Variants in MEIS2 observed in about 807,000 individuals in gnomAD.
MEIS2 encodes the protein homeobox protein Meis2.
In MEIS2, 9 loss-of-function variants were observed where a neutral mutation model predicts 58.6. The ratio of observed to expected loss-of-function variants is 0.15; its 90% CI spans 0.09 to 0.27. The LOEUF is 0.27. Ranked by LOEUF, MEIS2 falls within the 10% of genes least tolerant of loss-of-function variation. MEIS2 has a pLI of 1.00. For missense variants in MEIS2, 427 were observed against 635.0 expected (o/e 0.67, Z 3.52); for synonymous variants, 221 against 228.4 (o/e 0.97, Z 0.29).
At chr15:37,030,680 T>A (rs1450762283) in intron 8 of MEIS2, among the ~76,000 whole-genome samples, 2 of 151,576 alleles carry the variant, frequency 1.3e-5, no homozygotes, top group Non-Finnish European at 2.9e-5. Flanking sequence ...TGAGACAGGG[T>A]CTCACTTTGT....
At chr15:37,060,800 A>G (rs1889106136) in intron 7 of MEIS2, among the ~76,000 whole-genome samples, 1 of 152,160 alleles carries the variant, frequency 6.6e-6, no homozygotes, top group Admixed American at 6.5e-5. Context: ...ATTCGGTACA[A>G]TTCTAACAAT....
chr15:36,958,313 A>G (rs1469887817), intron 8 of MEIS2, among the ~76,000 whole-genome samples: 2 of 152,196 alleles, frequency 1.3e-5, no homozygotes, highest in African/African-American at 4.8e-5. Context: ...AGATTTTAAG[A>G]ACAGTTATTA....
At chr15:37,019,980 G>A (rs769942124) in intron 8 of MEIS2, among the ~76,000 whole-genome samples, 5 of 152,058 alleles carry the variant, frequency 3.3e-5, no homozygotes, top group South Asian at 2.1e-4. Context: ...CCCCAGATCC[G>A]GGGAGCTCGA....
intron 8 of MEIS2, among the ~76,000 whole-genome samples, chr15:36,993,373 T>A (rs1185973639): frequency 6.6e-6 from 1 of 152,194 alleles, no homozygotes; most frequent in Non-Finnish European, 1.5e-5. Flanking sequence ...ATCATATCAT[T>A]TCTTATAATT....
intron 6 of MEIS2, among the ~76,000 whole-genome samples, chr15:37,085,165 A>C (rs767666923): frequency 2.0e-5 from 3 of 152,230 alleles, no homozygotes; most frequent in Non-Finnish European, 4.4e-5. Flanking sequence ...CACTAAAAAA[A>C]CCAATCAAAA....
chr15:36,992,926 G>A (rs1487056362), intron 8 of MEIS2, among the ~76,000 whole-genome samples: 1 of 152,026 alleles, frequency 6.6e-6, no homozygotes, highest in Non-Finnish European at 1.5e-5. Flanking sequence ...AAACATAAAC[G>A]AATCCCAAAT....
intron 3 of MEIS2, chr15:37,095,966 G>T: frequency 2.2e-6 from 1 of 450,686 alleles, no homozygotes; most frequent in South Asian, 3.0e-5. Context: ...GGCACTCCCG[G>T]GTCCCTCACA....
chr15:36,949,959 G>A (rs1025399108), intron 9 of MEIS2, among the ~76,000 whole-genome samples: 2 of 151,914 alleles, frequency 1.3e-5, no homozygotes, highest in Non-Finnish European at 2.9e-5. Context: ...CTCCGTATGA[G>A]GACTGTGCAA....
At chr15:37,020,105 A>G (rs1468496491) in intron 8 of MEIS2, among the ~76,000 whole-genome samples, 6 of 152,126 alleles carry the variant, frequency 3.9e-5, no homozygotes, top group African/African-American at 1.4e-4. Flanking sequence ...TGCAGCAAAG[A>G]GCCAACAAGC....
At chr15:37,007,304 G>A (rs1257856640) in intron 8 of MEIS2, among the ~76,000 whole-genome samples, 4 of 152,102 alleles carry the variant, frequency 2.6e-5, no homozygotes, top group Non-Finnish European at 5.9e-5. Context: ...GGAGGTGGGA[G>A]GATCAATGGA....
At chr15:37,028,050 C>T (rs1445374007) in intron 8 of MEIS2, among the ~76,000 whole-genome samples, 1 of 152,150 alleles carries the variant, frequency 6.6e-6, no homozygotes, top group Non-Finnish European at 1.5e-5. Flanking sequence ...TAGTATCATC[C>T]AGAGCAGTTT....
chr15:36,973,580 A>G (rs925120606), intron 8 of MEIS2, among the ~76,000 whole-genome samples: 2 of 152,218 alleles, frequency 1.3e-5, no homozygotes, highest in African/African-American at 4.8e-5. Flanking sequence ...AATAAACCCA[A>G]AGCGTTCATC....
At chr15:36,916,118 T>C (rs2057265807) in intron 9 of MEIS2, among the ~76,000 whole-genome samples, 2 of 152,092 alleles carry the variant, frequency 1.3e-5, no homozygotes, top group Admixed American at 1.3e-4. Context: ...CTTCTTCTTT[T>C]TTTTTTGTGG....
At chr15:37,097,041 G>T (rs1894347818) in intron 2 of MEIS2, among the ~76,000 whole-genome samples, 2 of 152,280 alleles carry the variant, frequency 1.3e-5, no homozygotes, top group South Asian at 2.1e-4. Flanking sequence ...TAATAGGAAG[G>T]TTACACACTG....
chr15:37,096,444 CCACGCAGAGA>C lies in MEIS2; in HGVS notation c.246-24_246-15del, dbSNP rs748056623. On this transcript the variant is annotated splice_polypyrimidine_tract_variant and intron_variant, in intron 2 of 11. Transcript: ENST00000561208. ...AACAACGGGTGCCTAACGGGCAGCG[CCACGCAGAGA>C]CACACACACAGAGACGGGGTGCAGA... The C allele has an allele frequency of 1.2e-6, 2 of 1,611,002 alleles. No individual in the cohort carries two copies. The highest frequency in any genetic ancestry group is 1.7e-5 in the Admixed American group (1 of 59,814).
At chr15:36,999,677 C>A (rs993983246) in intron 8 of MEIS2, among the ~76,000 whole-genome samples, 2 of 152,146 alleles carry the variant, frequency 1.3e-5, no homozygotes, top group Non-Finnish European at 2.9e-5. Flanking sequence ...CGCACTTTTC[C>A]GAAGGCAAAC....
chr15:36,905,060 A>G (rs977079335), intron 9 of MEIS2, among the ~76,000 whole-genome samples: 1 of 152,100 alleles, frequency 6.6e-6, no homozygotes, highest in African/African-American at 2.4e-5. Flanking sequence ...GCACATGTAC[A>G]TGCATGGAAA....
At chr15:37,010,821 T>C (rs1040060222) in intron 8 of MEIS2, among the ~76,000 whole-genome samples, 3 of 152,206 alleles carry the variant, frequency 2.0e-5, no homozygotes, top group Non-Finnish European at 4.4e-5. Context: ...CCTTCCAAAC[T>C]CACATTCACA....
rs146598433 is a variant in MEIS2, at chr15:36,975,626, G to C, written c.901-25226C>G. On this transcript the variant is annotated intron_variant, in intron 8 of 11. Transcript: ENST00000561208. ...ACAAAGCTAGTGAGTGGTGGAGCTG[G>C]GAATCTAACGAGGTTTTGGTTTTTG... Among the ~76,000 whole-genome samples, 122 of 152,136 alleles carry C rather than the reference G, an allele frequency of 8.0e-4. 1 individual carries two copies. The highest frequency in any genetic ancestry group is 2.8e-3 in the African/African-American group (117 of 41,508).
Sources: allele counts gnomAD v4.1 joint callset (sites outside exome capture counted in the v4.1 genomes callset), GRCh38; gene constraint gnomAD v4.1.1; transcripts MANE v1.5; gene names NCBI Gene and HGNC (gene_info 2026-07-23, HGNC 2026-07-21).